GPR158: variants seen among roughly 807,000 people sequenced by gnomAD.
GPR158 encodes the protein metabotropic glycine receptor.
GPR158 carries 30 observed loss-of-function variants against 78.2 expected under a neutral mutation model. That is an observed-to-expected ratio of 0.38 (90% CI 0.29 to 0.52). GPR158 has a LOEUF of 0.52. Among genes scored for constraint, GPR158 ranks in the 20% least tolerant of loss-of-function variants. The probability of loss-of-function intolerance (pLI) is 0.83; values close to 1 mark genes in which losing one functional copy is unlikely to be tolerated. For missense variants in GPR158, 1,463 were observed against 1,523.5 expected (o/e 0.96, Z 0.66); for synonymous variants, 581 against 591.1 (o/e 0.98, Z 0.25).
At chr10:25,269,559 G>A (rs1287343648) in intron 2 of GPR158, among the ~76,000 whole-genome samples, 1 of 152,196 alleles carries the variant, frequency 6.6e-6, no homozygotes, top group Non-Finnish European at 1.5e-5. Flanking sequence ...TTCACTAGAT[G>A]TGGGACCTTT....
At chr10:25,348,704 C>T (rs920249368) in intron 2 of GPR158, among the ~76,000 whole-genome samples, 1 of 151,966 alleles carries the variant, frequency 6.6e-6, no homozygotes, top group Non-Finnish European at 1.5e-5. Flanking sequence ...AAAGATTCCT[C>T]TTTCTTAATC....
chr10:25,287,604 G>A (rs1314509323), intron 2 of GPR158, among the ~76,000 whole-genome samples: 2 of 152,016 alleles, frequency 1.3e-5, no homozygotes, highest in Non-Finnish European at 2.9e-5. Flanking sequence ...ACTAGCCCAC[G>A]TTTAACCTTT....
At chr10:25,597,680 C>T (rs1475970868) in intron 10 of GPR158, 92 bp from the exon 11 acceptor site, 2 of 1,007,718 alleles carry the variant, frequency 2.0e-6, no homozygotes, top group Admixed American at 2.8e-5. Context: ...AAATTAGAGC[C>T]CAAGTTTACT....
chr10:25,452,066 C>G (rs1461391634), intron 4 of GPR158, among the ~76,000 whole-genome samples: 1 of 151,882 alleles, frequency 6.6e-6, no homozygotes, highest in Non-Finnish European at 1.5e-5. Flanking sequence ...GAGACATGAC[C>G]TTGCTCTGTC....
chr10:25,417,831 A>C (rs1353509670), intron 4 of GPR158, among the ~76,000 whole-genome samples: 1 of 152,126 alleles, frequency 6.6e-6, no homozygotes, highest in African/African-American at 2.4e-5. Flanking sequence ...CTAAGCTAGA[A>C]TCTGAGACTT....
intron 3 of GPR158, among the ~76,000 whole-genome samples, chr10:25,408,835 C>T (rs138566906): frequency 9.0e-4 from 137 of 152,198 alleles, no homozygotes; most frequent in African/African-American, 3.1e-3. Flanking sequence ...GTTTAAGTGC[C>T]GTTGAGGTGT....
intron 4 of GPR158, among the ~76,000 whole-genome samples, chr10:25,453,620 A>G (rs752900075): frequency 2.0e-5 from 3 of 152,176 alleles, no homozygotes; most frequent in Admixed American, 6.6e-5. Flanking sequence ...ATGTGAGATA[A>G]GGATCTGATT....
chr10:25,241,456 C>G (rs1853628503), intron 2 of GPR158, among the ~76,000 whole-genome samples: 1 of 145,822 alleles, frequency 6.9e-6, no homozygotes, highest in Non-Finnish European at 1.5e-5. Flanking sequence ...AGTCTTGCTC[C>G]ATCTCCCAGG....
At chr10:25,199,621 A>G (rs1397513714) in intron 1 of GPR158, among the ~76,000 whole-genome samples, 1 of 152,104 alleles carries the variant, frequency 6.6e-6, no homozygotes, top group Non-Finnish European at 1.5e-5. Context: ...TGCTGTTCTC[A>G]TGATAGTGAG....
At chr10:25,339,565 AAC>A (rs1855274147) in intron 2 of GPR158, among the ~76,000 whole-genome samples, 1 of 152,098 alleles carries the variant, frequency 6.6e-6, no homozygotes, top group South Asian at 2.1e-4. Context: ...ATACAAAGAT[AAC>A]AGACATTTTT....
intron 4 of GPR158, among the ~76,000 whole-genome samples, chr10:25,421,854 G>A (rs376951082): frequency 2.4e-4 from 36 of 151,978 alleles, no homozygotes; most frequent in African/African-American, 8.5e-4. Flanking sequence ...TTTTCAATAA[G>A]AGCAACCAAT....
intron 5 of GPR158, among the ~76,000 whole-genome samples, chr10:25,514,768 A>C (rs1170777769): frequency 6.6e-6 from 1 of 152,096 alleles, no homozygotes; most frequent in Non-Finnish European, 1.5e-5. Flanking sequence ...TCCTTCATTT[A>C]TGAAGCTTTG....
At chr10:25,189,234 C>T (rs1031594479) in intron 1 of GPR158, among the ~76,000 whole-genome samples, 1 of 152,142 alleles carries the variant, frequency 6.6e-6, no homozygotes, top group African/African-American at 2.4e-5. Context: ...GGCAATTCCT[C>T]AAGGATCTAG....
At chr10:25,307,373 ATTGCTT>A (rs1554792448) in intron 2 of GPR158, among the ~76,000 whole-genome samples, 1 of 110,036 alleles carries the variant, frequency 9.1e-6, no homozygotes, top group East Asian at 2.5e-4. Flanking sequence ...GTGTATTTTA[ATTGCTT>A]TTTTTTTTTT....
chr10:25,406,752 T>C (rs949989565), intron 3 of GPR158, among the ~76,000 whole-genome samples: 1 of 152,214 alleles, frequency 6.6e-6, no homozygotes, highest in East Asian at 1.9e-4. Flanking sequence ...TCATTTTCTT[T>C]CCAGTTTACA....
chr10:25,273,069 C>G (rs913844379), intron 2 of GPR158, among the ~76,000 whole-genome samples: 1 of 152,118 alleles, frequency 6.6e-6, no homozygotes, highest in African/African-American at 2.4e-5. Flanking sequence ...ACTCTAATAC[C>G]CAAGTCAATT....
chr10:25,183,226 C>T lies in GPR158; in HGVS notation c.902+6904C>T, dbSNP rs370986742. ...CAAATATTTGGGTAGATGACTGTCC[C>T]ATGAAATACTTCAGTTTAGGAGAGG... On this transcript the variant is annotated intron_variant, in intron 1 of 10. Transcript: ENST00000376351. Among the ~76,000 whole-genome samples the T allele has an allele frequency of 2.6e-5, 4 of 152,082 alleles. No individual in the cohort carries two copies. In the East Asian group the frequency reaches 7.7e-4, roughly 29 times the overall value.
intron 2 of GPR158, among the ~76,000 whole-genome samples, chr10:25,320,892 T>C (rs1854938399): frequency 6.6e-6 from 1 of 152,232 alleles, no homozygotes; most frequent in Admixed American, 6.5e-5. Context: ...TTTTATCTAA[T>C]TTTCCCTTAA....
chr10:25,285,122 A>T (rs930610001), intron 2 of GPR158, among the ~76,000 whole-genome samples: 9 of 151,568 alleles, frequency 5.9e-5, no homozygotes, highest in Admixed American at 4.6e-4. Context: ...ATTACTATCT[A>T]GCATGATATT....
Sources: allele counts gnomAD v4.1 joint callset (sites outside exome capture counted in the v4.1 genomes callset), GRCh38; gene constraint gnomAD v4.1.1; transcripts MANE v1.5; gene names NCBI Gene and HGNC (gene_info 2026-07-23, HGNC 2026-07-21).